The following COL5A2 variants were observed in gnomAD, a reference collection of about 807,000 sequenced individuals.
The protein encoded by COL5A2 is collagen alpha-2(V) chain.
A neutral mutation model predicts 208.2 loss-of-function variants in COL5A2; 23 were observed. That is an observed-to-expected ratio of 0.11 (90% CI 0.08 to 0.16). The LOEUF (loss-of-function observed/expected upper bound fraction) is 0.16, where lower values mean the gene tolerates loss of function less well. Ranked by LOEUF, COL5A2 falls within the 10% of genes least tolerant of loss-of-function variation. The probability of loss-of-function intolerance (pLI) is 1.00; values close to 1 mark genes in which losing one functional copy is unlikely to be tolerated. For missense variants in COL5A2, 1,590 were observed against 1,956.4 expected, an observed-to-expected ratio of 0.81 and a Z score of 3.53; for synonymous variants, 625 against 628.5, an observed-to-expected ratio of 0.99 and a Z score of 0.08.
intron 1 of COL5A2, among the ~76,000 whole-genome samples, chr2:189,143,388 TTC>T (rs1687973292): frequency 2.0e-5 from 3 of 152,102 alleles, no homozygotes; most frequent in Admixed American, 6.6e-5. Context: ...TGTTTTCCAT[TTC>T]TGTTTCTAAT....
At chr2:189,066,669 G>A in intron 22 of COL5A2, 60 bp downstream of exon 22, 1 of 1,421,820 alleles carries the variant, frequency 7.0e-7, no homozygotes, top group South Asian at 1.1e-5. Context: ...TGAGCATTTT[G>A]AGCTGTACAC....
intron 1 of COL5A2, among the ~76,000 whole-genome samples, chr2:189,204,396 TC>T (rs1689118576): frequency 6.6e-6 from 1 of 152,218 alleles, no homozygotes; most frequent in Non-Finnish European, 1.5e-5. Flanking sequence ...ACCTTACTTC[TC>T]CCACTCTTCA....
At chr2:189,397,857 T>C in the COL5A2 span, among the ~76,000 whole-genome samples, 2 of 152,056 alleles carry the variant, frequency 1.3e-5, no homozygotes, top group African/African-American at 4.8e-5. Context: ...TTTAGTTTAA[T>C]ATTCTGTTCT....
intron 2 of COL5A2, among the ~76,000 whole-genome samples, chr2:189,106,476 T>C (rs1687150435): frequency 6.6e-6 from 1 of 151,338 alleles, no homozygotes; most frequent in Non-Finnish European, 1.5e-5. Context: ...CTAAATTCTT[T>C]TATTTTTTGT....
chr2:189,348,464 G>T, the COL5A2 span, among the ~76,000 whole-genome samples: 2 of 152,034 alleles, frequency 1.3e-5, no homozygotes, highest in African/African-American at 2.4e-5. Flanking sequence ...GCTAGTACAC[G>T]TTCTAGTTAT....
chr2:189,076,050 T>C (rs1686398457), intron 16 of COL5A2, among the ~76,000 whole-genome samples: 1 of 152,218 alleles, frequency 6.6e-6, no homozygotes, highest in African/African-American at 2.4e-5. Context: ...GCAAGAGCCA[T>C]CTCAGCTCCA....
chr2:189,294,178 C>A, the COL5A2 span, among the ~76,000 whole-genome samples: 1 of 152,008 alleles, frequency 6.6e-6, no homozygotes, highest in Non-Finnish European at 1.5e-5. Flanking sequence ...TGCTTTCCTT[C>A]CCTTCAGTGT....
the COL5A2 span, among the ~76,000 whole-genome samples, chr2:189,298,915 T>C: frequency 1.6e-4 from 25 of 152,212 alleles, no homozygotes; most frequent in African/African-American, 6.0e-4. Context: ...TACTACTAAC[T>C]CTGAAGGAAG....
At chr2:189,427,137 T>C in the COL5A2 span, among the ~76,000 whole-genome samples, 12 of 152,366 alleles carry the variant, frequency 7.9e-5, no homozygotes, top group Non-Finnish European at 1.5e-4. Flanking sequence ...GAATGGTTTA[T>C]TGGGCCAGGC....
At chr2:189,398,644 T>C in the COL5A2 span, among the ~76,000 whole-genome samples, 1 of 152,280 alleles carries the variant, frequency 6.6e-6, no homozygotes, top group East Asian at 1.9e-4. Context: ...TCATTCGACC[T>C]TTCACTGTGC....
chr2:189,181,405 A>T (rs568787863), upstream of COL5A2, among the ~76,000 whole-genome samples: 1 of 152,208 alleles, frequency 6.6e-6, no homozygotes, highest in Admixed American at 6.5e-5. Context: ...AGGACCAAAA[A>T]TCACCTTTCA....
intron 35 of COL5A2, among the ~76,000 whole-genome samples, 161 bp from the exon 36 acceptor site, chr2:189,054,373 G>C (rs1685856729): frequency 6.6e-6 from 1 of 152,150 alleles, no homozygotes; most frequent in Admixed American, 6.5e-5. Flanking sequence ...ATATTTTCAA[G>C]AGTTTTCTGT....
chr2:189,357,109 T>C, the COL5A2 span, among the ~76,000 whole-genome samples: 5 of 152,158 alleles, frequency 3.3e-5, no homozygotes, highest in South Asian at 1.0e-3. Flanking sequence ...TCTGGAAGCT[T>C]TGTCCCAGAG....
chr2:189,040,895 G>C (rs541110099), intron 50 of COL5A2, among the ~76,000 whole-genome samples: 8 of 152,258 alleles, frequency 5.3e-5, no homozygotes, highest in African/African-American at 1.7e-4. Context: ...AAGACTATTT[G>C]ATCCACATAA....
chr2:189,257,844 G>A, the COL5A2 span, among the ~76,000 whole-genome samples: 39 of 152,154 alleles, frequency 2.6e-4, no homozygotes, highest in African/African-American at 9.4e-4. Flanking sequence ...GCCAGGCGCG[G>A]TGGTTCACAC....
At chr2:189,261,159 G>A in the COL5A2 span, among the ~76,000 whole-genome samples, 4 of 151,398 alleles carry the variant, frequency 2.6e-5, no homozygotes, top group African/African-American at 4.9e-5. Flanking sequence ...ATAATCATGC[G>A]GATTCCATTC....
chr2:189,131,744 G>T (rs1687720049), intron 1 of COL5A2, among the ~76,000 whole-genome samples: 1 of 152,116 alleles, frequency 6.6e-6, no homozygotes, highest in East Asian at 1.9e-4. Flanking sequence ...TTGTTGAAAA[G>T]AACAAATATA....
At chr2:189,298,648 C>T in the COL5A2 span, among the ~76,000 whole-genome samples, 1 of 152,188 alleles carries the variant, frequency 6.6e-6, no homozygotes, top group Non-Finnish European at 1.5e-5. Context: ...ACTGGCTAAG[C>T]AGACATTCAA....
chr2:189,045,329 C>A, intron 46 of COL5A2, 97 bp from the exon 47 acceptor site: 2 of 703,256 alleles, frequency 2.8e-6, no homozygotes, highest in South Asian at 1.7e-5. Context: ...TAGTTGGATG[C>A]ATATATATAT....
Sources: allele counts gnomAD v4.1 joint callset (sites outside exome capture counted in the v4.1 genomes callset), GRCh38; gene constraint gnomAD v4.1.1; transcripts MANE v1.5; gene names NCBI Gene and HGNC (gene_info 2026-07-23, HGNC 2026-07-21).